The following LHX8 variants were observed in gnomAD, a reference collection of about 807,000 sequenced individuals.
The protein encoded by LHX8 is LIM homeobox 8, also known as LIM/homeobox protein Lhx8.
In LHX8, 12 loss-of-function variants were observed where a neutral mutation model predicts 40.3. That is an observed-to-expected ratio of 0.30 (90% CI 0.19 to 0.48). LHX8 has a LOEUF of 0.48. Among genes scored for constraint, LHX8 ranks in the 20% least tolerant of loss-of-function variants. LHX8 has a pLI of 0.99. For synonymous variants in LHX8, 179 were observed against 162.0 expected, an observed-to-expected ratio of 1.10 and a Z score of -0.80; for missense variants, 344 against 433.7, an observed-to-expected ratio of 0.79 and a Z score of 1.84.
In LHX8 at chr1:75,134,970, G is replaced by C; in HGVS notation, c.-13+16G>C. ...TCAGGTCCATGTGAGTCGTGCTTTT[G>C]TTCTATTTGCTGTGGTGATCGTGGC... is the stretch of plus-strand genomic sequence containing the variant. On this transcript the variant is annotated intron_variant, in intron 1 of 8. Transcript: ENST00000356261. The C allele has an allele frequency of 1.0e-6, 1 of 983,460 alleles. No homozygotes were observed. The highest frequency in any genetic ancestry group is 1.2e-6 in the Non-Finnish European group (1 of 828,188). The allele number at this position is 983,460 out of a possible 1,614,324, so 60.9% of individuals were successfully genotyped here.
At chr1:75,175,651 T>A in the LHX8 span, among the ~76,000 whole-genome samples, 4 of 138,060 alleles carry the variant, frequency 2.9e-5, no homozygotes, top group Non-Finnish European at 5.9e-5. Context: ...TTTGATGGGA[T>A]TATTTTATTT....
chr1:75,157,827 G>T (rs1396897129), intron 8 of LHX8, among the ~76,000 whole-genome samples: 2 of 152,132 alleles, frequency 1.3e-5, no homozygotes, highest in Non-Finnish European at 2.9e-5. Flanking sequence ...ATAGATATTT[G>T]TGTTTTTTCC....
chr1:75,188,687 C>A, the LHX8 span, among the ~76,000 whole-genome samples: 40 of 152,254 alleles, frequency 2.6e-4, no homozygotes, highest in East Asian at 7.2e-3. Context: ...TGTTCTCCAT[C>A]GGAAAATTAA....
At chr1:75,133,752 G>T (rs899709830), upstream of LHX8, among the ~76,000 whole-genome samples, 1 of 152,150 alleles carries the variant, frequency 6.6e-6, no homozygotes, top group African/African-American at 2.4e-5. Context: ...AGAAGACAAG[G>T]CTGCTCGGGC....
the LHX8 span, among the ~76,000 whole-genome samples, chr1:75,182,232 C>T: frequency 1.3e-5 from 2 of 152,112 alleles, no homozygotes; most frequent in Non-Finnish European, 2.9e-5. Flanking sequence ...GCCAATTATC[C>T]CAGCACCATT....
At chr1:75,136,840 G>GGGGGGA in intron 2 of LHX8, 151 bp downstream of exon 2, 5 of 448,614 alleles carry the variant, frequency 1.1e-5, no homozygotes, top group Admixed American at 3.0e-5. Flanking sequence ...GGTGGGGTGG[G>GGGGGGA]AAGCTTAGCT....
At chr1:75,133,750 A>AGT (rs1348063516), upstream of LHX8, among the ~76,000 whole-genome samples, 2 of 152,206 alleles carry the variant, frequency 1.3e-5, no homozygotes, top group East Asian at 1.9e-4. Context: ...GCAGAAGACA[A>AGT]GGCTGCTCGG....
In LHX8 at chr1:75,161,424, C is replaced by T; in HGVS notation, c.*529C>T. 6.3e-6 allele frequency: 1 copy of T among 158,896 alleles called. No individual in the cohort carries two copies. The highest frequency in any genetic ancestry group is 1.9e-4 in the South Asian group (1 of 5,264). The allele number at this position is 158,896 out of a possible 1,614,324, so 9.8% of individuals were successfully genotyped here. On this transcript the variant is annotated 3_prime_UTR_variant, in exon 9 of 9. Transcript: ENST00000356261. Reference sequence around the variant, plus strand: ...CTTCTGTTGTAGCATGCCATGCAAACACATTATTGTGTTTGTGGTTGATGA... The same window carrying T: ...CTTCTGTTGTAGCATGCCATGCAAATACATTATTGTGTTTGTGGTTGATGA...
chr1:75,197,569 T>C, the LHX8 span, among the ~76,000 whole-genome samples: 12 of 152,202 alleles, frequency 7.9e-5, no homozygotes, highest in Admixed American at 7.9e-4. Context: ...CCACTTCTTT[T>C]TTCTCTCTAT....
chr1:75,193,638 G>A, the LHX8 span, among the ~76,000 whole-genome samples: 9 of 152,198 alleles, frequency 5.9e-5, no homozygotes, highest in East Asian at 1.9e-4. Context: ...TGCATAATTC[G>A]TAGTAAATAA....
chr1:75,140,623 A>G (rs1648285210), intron 3 of LHX8, among the ~76,000 whole-genome samples: 3 of 152,312 alleles, frequency 2.0e-5, no homozygotes, highest in Admixed American at 2.0e-4. Flanking sequence ...ACTTGGTAAA[A>G]TATAACAAAA....
At chr1:75,190,729 C>T in the LHX8 span, among the ~76,000 whole-genome samples, 1 of 152,094 alleles carries the variant, frequency 6.6e-6, no homozygotes, top group Non-Finnish European at 1.5e-5. Flanking sequence ...CTACATACAT[C>T]TGTATATTCT....
At chr1:75,194,111 TAAA>T in the LHX8 span, among the ~76,000 whole-genome samples, 1 of 152,096 alleles carries the variant, frequency 6.6e-6, no homozygotes, top group African/African-American at 2.4e-5. Context: ...ATGAAACAAA[TAAA>T]AAACAGTTTA....
chr1:75,146,073 T>A (rs1453751049), intron 6 of LHX8, among the ~76,000 whole-genome samples: 1 of 152,098 alleles, frequency 6.6e-6, no homozygotes, highest in Non-Finnish European at 1.5e-5. Context: ...CTGAAATAGA[T>A]ATTTTAAAAA....
At chr1:75,138,899 G>T (rs912079280) in intron 3 of LHX8, among the ~76,000 whole-genome samples, 2 of 152,108 alleles carry the variant, frequency 1.3e-5, no homozygotes, top group Admixed American at 1.3e-4. Context: ...TCCATGTACA[G>T]TATTATTGTA....
chr1:75,187,212 C>T, the LHX8 span, among the ~76,000 whole-genome samples: 3 of 152,296 alleles, frequency 2.0e-5, no homozygotes, highest in East Asian at 5.8e-4. Flanking sequence ...CACCTAAAGT[C>T]CCCAAAGCAC....
chr1:75,151,708 C>T (rs1317149528), intron 7 of LHX8, among the ~76,000 whole-genome samples: 1 of 152,176 alleles, frequency 6.6e-6, no homozygotes, highest in Non-Finnish European at 1.5e-5. Context: ...AAAGTTCCTT[C>T]TAATTTAAGA....
At chr1:75,168,800 G>A in the LHX8 span, among the ~76,000 whole-genome samples, 12 of 152,184 alleles carry the variant, frequency 7.9e-5, no homozygotes, top group African/African-American at 2.4e-4. Context: ...CTATGTAACC[G>A]TGGGCATATC....
chr1:75,189,048 T>G, the LHX8 span, among the ~76,000 whole-genome samples: 4 of 152,202 alleles, frequency 2.6e-5, no homozygotes, highest in Non-Finnish European at 5.9e-5. Flanking sequence ...TGGCCTGCTG[T>G]TTAGAAAACC....
Sources: allele counts gnomAD v4.1 joint callset (sites outside exome capture counted in the v4.1 genomes callset), GRCh38; gene constraint gnomAD v4.1.1; transcripts MANE v1.5; gene names NCBI Gene and HGNC (gene_info 2026-07-23, HGNC 2026-07-21).